PREX1: variants seen among roughly 807,000 people sequenced by gnomAD.
PREX1 encodes the protein phosphatidylinositol 3,4,5-trisphosphate-dependent Rac exchanger 1 protein.
A neutral mutation model predicts 198.3 loss-of-function variants in PREX1; 41 were observed. That is an observed-to-expected ratio of 0.21 (90% CI 0.16 to 0.27). PREX1 has a LOEUF of 0.27. Ranked by LOEUF, PREX1 falls within the 10% of genes least tolerant of loss-of-function variation. The probability of loss-of-function intolerance (pLI) is 1.00; values close to 1 mark genes in which losing one functional copy is unlikely to be tolerated. For missense variants in PREX1, 1,620 were observed against 2,200.7 expected (o/e 0.74, Z 5.28); for synonymous variants, 843 against 887.2 (o/e 0.95, Z 0.89).
At chr20:48,638,516 G>C (rs564180169) in intron 30 of PREX1, among the ~76,000 whole-genome samples, 1 of 152,326 alleles carries the variant, frequency 6.6e-6, no homozygotes, top group East Asian at 1.9e-4. Context: ...AGATGTGGAA[G>C]GGCTTTGGAT....
intron 5 of PREX1, among the ~76,000 whole-genome samples, chr20:48,711,739 T>G (rs1192897853): frequency 6.6e-6 from 1 of 152,234 alleles, no homozygotes; most frequent in African/African-American, 2.4e-5. Flanking sequence ...GCTGGCCCTT[T>G]GTTAAAAGCA....
In PREX1 at chr20:48,625,903, C is replaced by G; in HGVS notation, c.4962G>C (p.Pro1654=). The G allele has an allele frequency of 1.3e-6, 2 of 1,563,580 alleles. No individual in the cohort carries two copies. Among genetic ancestry groups the G allele is most frequent in the Non-Finnish European group, 8.6e-7 (1 of 1,157,778 alleles). ...TGGGTGTTCAGAGGTCCCCATCCAC[C>G]GGCGGCTGGCAGAGGCGGTAGAGGC... is the stretch of plus-strand genomic sequence containing the variant. ...APRLYRLCQP[P]VDGDL is the part of the protein sequence containing the mutation. Residue 1654 remains proline, a synonymous_variant, in exon 40 of 40, where the codon CCG becomes CCC. Coordinates refer to ENST00000371941, the MANE Select transcript of PREX1 (RefSeq NM_020820.4).
the PREX1 span, among the ~76,000 whole-genome samples, chr20:48,835,450 G>GA: frequency 6.6e-6 from 1 of 152,160 alleles, no homozygotes; most frequent in African/African-American, 2.4e-5. Flanking sequence ...GAGTTACGGA[G>GA]AAAAACAAAA....
chr20:48,874,425 G>A, the PREX1 span, among the ~76,000 whole-genome samples: 1 of 149,848 alleles, frequency 6.7e-6, no homozygotes, highest in Non-Finnish European at 1.5e-5. Flanking sequence ...GTGTGTAGGG[G>A]GTGGGTGGTG....
chr20:48,784,338 G>A (rs571226843), intron 1 of PREX1, among the ~76,000 whole-genome samples: 34 of 152,102 alleles, frequency 2.2e-4, no homozygotes, highest in African/African-American at 7.7e-4. Flanking sequence ...AATAACACTT[G>A]GTTCCCTCCT....
intron 1 of PREX1, among the ~76,000 whole-genome samples, chr20:48,793,153 G>A (rs1055073952): frequency 3.3e-5 from 5 of 152,114 alleles, no homozygotes; most frequent in Admixed American, 2.0e-4. Context: ...ACAGTGAGCT[G>A]AGATCGTGCC....
the PREX1 span, among the ~76,000 whole-genome samples, chr20:48,858,086 T>C: frequency 1.3e-5 from 2 of 152,158 alleles, no homozygotes; most frequent in African/African-American, 4.8e-5. Flanking sequence ...CTGTAAGAAA[T>C]GTGGATTTAA....
At chr20:48,868,636 A>G in the PREX1 span, among the ~76,000 whole-genome samples, 1 of 152,134 alleles carries the variant, frequency 6.6e-6, no homozygotes, top group African/African-American at 2.4e-5. Flanking sequence ...CAAAACTCAA[A>G]ATTCAAAACA....
At chr20:48,734,505 G>T (rs1429437217) in intron 4 of PREX1, 41 bp downstream of exon 4, 2 of 1,542,856 alleles carry the variant, frequency 1.3e-6, no homozygotes, top group East Asian at 2.3e-5. Flanking sequence ...CAAGGATGAG[G>T]CCGAGTGCAA....
At chr20:48,878,586 C>T in the PREX1 span, among the ~76,000 whole-genome samples, 2 of 152,192 alleles carry the variant, frequency 1.3e-5, no homozygotes, top group African/African-American at 4.8e-5. Flanking sequence ...GATCCATCCG[C>T]CTCAGCCTCC....
chr20:48,737,334 A>G (rs2090061460), intron 3 of PREX1, among the ~76,000 whole-genome samples: 1 of 149,946 alleles, frequency 6.7e-6, no homozygotes, highest in Non-Finnish European at 1.5e-5. Flanking sequence ...GGGAATTATG[A>G]TGGTCCCTGA....
intron 33 of PREX1, among the ~76,000 whole-genome samples, chr20:48,633,819 A>G (rs995823878): frequency 6.6e-6 from 1 of 152,172 alleles, no homozygotes; most frequent in Non-Finnish European, 1.5e-5. Flanking sequence ...AGTTCCCTCA[A>G]TGATTCCAGA....
At chr20:48,682,649 A>G (rs2123024056) in intron 10 of PREX1, among the ~76,000 whole-genome samples, 1 of 152,354 alleles carries the variant, frequency 6.6e-6, no homozygotes, top group Non-Finnish European at 1.5e-5. Context: ...AGAGGAAGAC[A>G]GGCAGCTTTC....
intron 1 of PREX1, among the ~76,000 whole-genome samples, chr20:48,775,420 C>G (rs2090256617): frequency 1.3e-5 from 2 of 152,008 alleles, no homozygotes; most frequent in Non-Finnish European, 2.9e-5. Context: ...AGGAGGTAAG[C>G]CATGGGTTAC....
rs747482987 is a variant in PREX1 at position 48,681,239 on chromosome 20, G to A, written c.1431C>T (p.His477=). 2.5e-6 allele frequency: 4 copies of A among 1,613,872 alleles called. No homozygotes were observed. Among genetic ancestry groups the A allele is most frequent in the Non-Finnish European group, 3.4e-6 (4 of 1,179,890 alleles). Residue 477 remains histidine, a synonymous_variant, in exon 11 of 40, where the codon CAC becomes CAT. Coordinates refer to ENST00000371941, the MANE Select transcript of PREX1 (RefSeq NM_020820.4). ...TGGGCCCAGCCCTCCACTCACCATG[G>A]TGGATGATGCCATTCTCCAACAGGG... ...GQALLENGII[H]HVSDKHQFKN...
intron 2 of PREX1, among the ~76,000 whole-genome samples, chr20:48,746,059 G>A (rs2090106286): frequency 6.6e-6 from 1 of 152,140 alleles, no homozygotes; most frequent in Admixed American, 6.5e-5. Flanking sequence ...TGTCGCCCAG[G>A]CTGGAGTGTG....
chr20:48,712,897 A>T (rs2089939624), intron 5 of PREX1, among the ~76,000 whole-genome samples: 1 of 152,188 alleles, frequency 6.6e-6, no homozygotes, highest in South Asian at 2.1e-4. Context: ...AGGCCCAGGC[A>T]GGCAGATCAC....
At chr20:48,738,587 C>T (rs188042165) in intron 3 of PREX1, among the ~76,000 whole-genome samples, 38 of 152,282 alleles carry the variant, frequency 2.5e-4, no homozygotes, top group Middle Eastern at 3.4e-3. Flanking sequence ...CCTGGAGGCC[C>T]GACATGGGGC....
chr20:48,738,274 G>A (rs2090065642), intron 3 of PREX1, among the ~76,000 whole-genome samples: 1 of 152,206 alleles, frequency 6.6e-6, no homozygotes, highest in African/African-American at 2.4e-5. Flanking sequence ...TGCCACAGGT[G>A]CAGGAGAGGG....
Sources: allele counts gnomAD v4.1 joint callset (sites outside exome capture counted in the v4.1 genomes callset), GRCh38; gene constraint gnomAD v4.1.1; transcripts MANE v1.5; gene names NCBI Gene and HGNC (gene_info 2026-07-23, HGNC 2026-07-21).